KANSL1: variants seen among roughly 807,000 people sequenced by gnomAD.
KANSL1 encodes KAT8 regulatory NSL complex subunit 1.
KANSL1 carries 22 observed loss-of-function variants against 103.6 expected under a neutral mutation model. That is an observed-to-expected ratio of 0.21 (90% CI 0.15 to 0.30). The LOEUF (loss-of-function observed/expected upper bound fraction) is 0.30, where lower values mean the gene tolerates loss of function less well. Ranked by LOEUF, KANSL1 falls within the 10% of genes least tolerant of loss-of-function variation. The probability of loss-of-function intolerance (pLI) is 1.00; values close to 1 mark genes in which losing one functional copy is unlikely to be tolerated. For synonymous variants in KANSL1, 600 were observed against 527.6 expected (o/e 1.14, Z -1.88); for missense variants, 1,337 against 1,399.8 (o/e 0.96, Z 0.72).
At chr17:46,133,780 G>T (rs2043986666) in intron 2 of KANSL1, among the ~76,000 whole-genome samples, 1 of 152,200 alleles carries the variant, frequency 6.6e-6, no homozygotes, top group African/African-American at 2.4e-5. Flanking sequence ...CCAAAGAAAT[G>T]ATATGATACA....
At chr17:46,203,227 C>T (rs1215060461) in intron 1 of KANSL1, among the ~76,000 whole-genome samples, 1 of 152,120 alleles carries the variant, frequency 6.6e-6, no homozygotes, top group African/African-American at 2.4e-5. Context: ...AACGACAGAG[C>T]AGACTCCGTC....
At chr17:46,176,966 T>C (rs1406027614) in intron 1 of KANSL1, among the ~76,000 whole-genome samples, 2 of 152,194 alleles carry the variant, frequency 1.3e-5, no homozygotes, top group Non-Finnish European at 2.9e-5. Flanking sequence ...TTGAGATTTC[T>C]ATACCAAAGA....
chr17:46,069,650 C>T (rs1205008991), intron 4 of KANSL1, among the ~76,000 whole-genome samples: 1 of 152,048 alleles, frequency 6.6e-6, no homozygotes, highest in Non-Finnish European at 1.5e-5. Flanking sequence ...GAGGCTGAGG[C>T]ACAAGAATCA....
At chr17:46,143,667 T>C (rs1340662658) in intron 2 of KANSL1, among the ~76,000 whole-genome samples, 1 of 147,378 alleles carries the variant, frequency 6.8e-6, no homozygotes, top group Non-Finnish European at 1.5e-5. Flanking sequence ...AGCCGGGCGT[T>C]GTGGCGGGCG....
intron 1 of KANSL1, among the ~76,000 whole-genome samples, chr17:46,207,206 T>C (rs1263424423): frequency 6.6e-6 from 1 of 152,132 alleles, no homozygotes; most frequent in African/African-American, 2.4e-5. Flanking sequence ...GTCCAGGAGT[T>C]TGAAGTTCCA....
At position 46,067,648 on chromosome 17, in the gene KANSL1, G is replaced by T; in HGVS notation, c.1553C>A (p.Pro518Gln). 1 of 1,582,006 alleles carries T rather than the reference G, an allele frequency of 6.3e-7. No individual in the cohort carries two copies. Among genetic ancestry groups the T allele is most frequent in the Non-Finnish European group, 8.7e-7 (1 of 1,150,826 alleles). The change falls in exon 5 of 15, where the codon CCA becomes CAA. Residue 518 changes from proline (P) to glutamine (Q), a missense_variant. Physicochemically the swap from Pro to Gln is moderately conservative, Grantham distance 76. This residue lies in a region of KANSL1 where 780 missense variants were observed against 923.4 expected (regional missense o/e 0.84). Coordinates refer to ENST00000432791, the MANE Select transcript of KANSL1 (RefSeq NM_015443.4). ...TDKLIESVSQ[P>Q]LENHGAPIIG... ...AATAGGGGCACCATGGTTTTCCAAT[G>T]GCTGAGAAACAGACTCAATCTGATT...
chr17:46,032,964 A>G (rs2077050791), intron 13 of KANSL1, 116 bp downstream of exon 13: 8 of 729,096 alleles, frequency 1.1e-5, no homozygotes, highest in South Asian at 7.4e-5. Context: ...CACTGCCAGT[A>G]GATGAGTATG....
intron 1 of KANSL1, among the ~76,000 whole-genome samples, chr17:46,189,367 G>C (rs2047198205): frequency 6.6e-6 from 1 of 152,152 alleles, no homozygotes; most frequent in Non-Finnish European, 1.5e-5. Flanking sequence ...CCTTTGTTGG[G>C]GGGTGGAGAG....
chr17:46,187,575 G>A (rs60600414), intron 1 of KANSL1, among the ~76,000 whole-genome samples: 36 of 152,270 alleles, frequency 2.4e-4, no homozygotes, highest in African/African-American at 8.2e-4. Flanking sequence ...GAAAAAAAAG[G>A]GTAAGTTCAC....
intron 2 of KANSL1, among the ~76,000 whole-genome samples, chr17:46,125,289 A>G (rs1188795780): frequency 6.6e-6 from 1 of 152,224 alleles, no homozygotes; most frequent in Non-Finnish European, 1.5e-5. Flanking sequence ...TTTTAAAATT[A>G]AGGTAGTCCA....
At chr17:46,082,363 G>A (rs2079016715) in intron 4 of KANSL1, 78 bp downstream of exon 4, 1 of 864,044 alleles carries the variant, frequency 1.2e-6, no homozygotes. Flanking sequence ...AAGGATCCTA[G>A]TTACAGAGAA....
chr17:46,146,527 G>C (rs1236451220), intron 2 of KANSL1, among the ~76,000 whole-genome samples: 1 of 152,200 alleles, frequency 6.6e-6, no homozygotes, highest in African/African-American at 2.4e-5. Flanking sequence ...GAAAAATTCT[G>C]TATGTGTCTA....
At chr17:46,061,542 T>C (rs1054359474) in intron 6 of KANSL1, among the ~76,000 whole-genome samples, 1 of 152,092 alleles carries the variant, frequency 6.6e-6, no homozygotes, top group Non-Finnish European at 1.5e-5. Flanking sequence ...TAAATAGCAA[T>C]ATAGGCTATT....
rs2076964455 is a variant in KANSL1, at chr17:46,030,134, ATT to A, written c.*1340_*1341del. 6.8e-6 allele frequency: 1 copy of A among 147,998 alleles called. No homozygotes were observed. The highest frequency in any genetic ancestry group is 2.1e-4 in the South Asian group (1 of 4,746). The allele number at this position is 147,998 out of a possible 1,614,324, so 9.2% of individuals were successfully genotyped here. A position where few individuals can be genotyped will look rare whatever the true frequency, so the allele number is the denominator to read the frequency against. ...ACAAAATACAAGGTTTTTTTTTTCC[ATT>A]TTTTGTTTTTGTTTTTTTTTTCAAT... is the stretch of plus-strand genomic sequence containing the variant. On this transcript the variant is annotated 3_prime_UTR_variant, in exon 15 of 15. Coordinates refer to ENST00000432791, the MANE Select transcript of KANSL1 (RefSeq NM_015443.4).
chr17:46,033,908 T>C (rs1346974647), intron 11 of KANSL1, among the ~76,000 whole-genome samples: 1 of 152,212 alleles, frequency 6.6e-6, no homozygotes, highest in Admixed American at 6.5e-5. Context: ...ACTGTATGTG[T>C]TGACAAAACC....
chr17:46,100,048 T>C (rs1344706471), intron 2 of KANSL1, among the ~76,000 whole-genome samples: 1 of 152,246 alleles, frequency 6.6e-6, no homozygotes, highest in Non-Finnish European at 1.5e-5. Flanking sequence ...TCATTAGCTA[T>C]GAACTTGTAC....
chr17:46,149,144 A>G (rs2044924062), intron 2 of KANSL1, among the ~76,000 whole-genome samples: 1 of 152,014 alleles, frequency 6.6e-6, no homozygotes, highest in African/African-American at 2.4e-5. Context: ...CTGGGACTAC[A>G]GGCGCCCACC....
At chr17:46,160,530 G>C (rs964255328) in intron 2 of KANSL1, among the ~76,000 whole-genome samples, 4 of 152,174 alleles carry the variant, frequency 2.6e-5, no homozygotes, top group African/African-American at 7.2e-5. Context: ...CTGGGCTCAA[G>C]AGATCTGCCC....
At chr17:46,066,825 C>T (rs1403884231) in intron 5 of KANSL1, 93 bp from the exon 6 acceptor site, 4 of 830,338 alleles carry the variant, frequency 4.8e-6, no homozygotes, top group Non-Finnish European at 7.4e-6. Flanking sequence ...GCCTCTTATA[C>T]TAGTTCAACC....
Sources: gnomAD v4.1 joint callset for allele counts (sites outside exome capture counted in the v4.1 genomes callset) on GRCh38, gnomAD v4.1.1 for gene constraint, gnomAD v4.1.1 regional missense constraint, MANE v1.5 for transcripts, NCBI Gene and HGNC (gene_info 2026-07-23, HGNC 2026-07-21) for gene names.